PACSIN2: variants seen among roughly 807,000 people sequenced by gnomAD.
PACSIN2 encodes the protein protein kinase C and casein kinase substrate in neurons 2.
In PACSIN2, 25 loss-of-function variants were observed where a neutral mutation model predicts 63.8. The ratio of observed to expected loss-of-function variants is 0.39; its 90% CI spans 0.29 to 0.55. PACSIN2 has a LOEUF of 0.55. Ranked by LOEUF, PACSIN2 falls within the 20% of genes least tolerant of loss-of-function variation. PACSIN2 has a pLI of 0.62. For synonymous variants in PACSIN2, 255 were observed against 256.2 expected (o/e 1.00, Z 0.05); for missense variants, 518 against 646.9 (o/e 0.80, Z 2.16).
At chr22:42,954,808 G>A (rs758896922) in intron 1 of PACSIN2, among the ~76,000 whole-genome samples, 1 of 152,132 alleles carries the variant, frequency 6.6e-6, no homozygotes, top group Non-Finnish European at 1.5e-5. Flanking sequence ...GGGGATGGGG[G>A]CAGGGATTCA....
chr22:42,983,316 CAAAAAA>C (rs1180708676), intron 1 of PACSIN2, among the ~76,000 whole-genome samples: 3 of 63,630 alleles, frequency 4.7e-5, no homozygotes, highest in African/African-American at 1.7e-4. Context: ...GACTCCATCT[CAAAAAA>C]AAAAAAAAAA....
chr22:42,969,518 TCCTC>T (rs1921083199), intron 1 of PACSIN2, among the ~76,000 whole-genome samples: 1 of 152,146 alleles, frequency 6.6e-6, no homozygotes, highest in Non-Finnish European at 1.5e-5. Flanking sequence ...AGATGAGTAA[TCCTC>T]CCACCTCAAT....
rs536306071 is a variant in PACSIN2, at chr22:42,913,453, T to C, written c.-77-1296A>G. On this transcript the variant is annotated intron_variant, in intron 1 of 10. Transcript: ENST00000263246. ...AAGATCGTGCCATTGCACTCCAGCC[T>C]GGGCAACAAGAGCGAAACTCCGTCT... Among the ~76,000 whole-genome samples the C allele has an allele frequency of 1.6e-4, 21 of 129,766 alleles. No individual in the cohort carries two copies. The East Asian group carries it at 4.3e-3, about 26-fold the overall frequency. The allele number at this position is 129,766 out of a possible 152,430, so 85.1% of individuals were successfully genotyped here. A position where few individuals can be genotyped will look rare whatever the true frequency, so the allele number is the denominator to read the frequency against.
rs536598750 is a variant in PACSIN2, at chr22:42,890,729, A to G, written c.453+218T>C. On this transcript the variant is annotated intron_variant, in intron 4 of 10. Coordinates refer to ENST00000263246, the MANE Select transcript of PACSIN2 (RefSeq NM_001184970.3). ...GACTTTGTCTCAAAAAATAAAAATAAAAAATTTAAAGAATGCACATAGAGC... is the reference window on the plus strand; with the variant it reads ...GACTTTGTCTCAAAAAATAAAAATAGAAAATTTAAAGAATGCACATAGAGC... 1.1e-4 allele frequency among the ~76,000 whole-genome samples: 16 copies of G among 152,322 alleles called. No homozygotes were observed. In the South Asian group the frequency reaches 2.9e-3, roughly 28 times the overall value.
At chr22:42,967,189 C>G (rs5759062) in intron 1 of PACSIN2, among the ~76,000 whole-genome samples, 91,433 of 151,712 alleles carry the variant, frequency 0.6, 28,103 homozygotes, top group East Asian at 0.78. Context: ...CCCAGGAAGG[C>G]TGGACTCTGA....
intron 1 of PACSIN2, among the ~76,000 whole-genome samples, chr22:43,009,865 A>ATTT (rs898985902): frequency 1.2e-4 from 9 of 75,662 alleles, no homozygotes; most frequent in Non-Finnish European, 1.9e-4. Context: ...TATTTTTTCT[A>ATTT]TTTTTTTTTT....
chr22:42,890,204 G>A (rs911482959), intron 4 of PACSIN2, among the ~76,000 whole-genome samples: 11 of 152,120 alleles, frequency 7.2e-5, no homozygotes, highest in African/African-American at 2.6e-4. Flanking sequence ...GTTTCATCAT[G>A]TTGGCCAGGA....
chr22:42,880,033 T>C (rs1419376083), intron 7 of PACSIN2, among the ~76,000 whole-genome samples: 1 of 152,206 alleles, frequency 6.6e-6, no homozygotes, highest in Non-Finnish European at 1.5e-5. Context: ...GACTGTGTCT[T>C]GATTTTCTAG....
chr22:42,895,707 C>T (rs1362368739), intron 2 of PACSIN2, among the ~76,000 whole-genome samples: 2 of 152,164 alleles, frequency 1.3e-5, no homozygotes, highest in African/African-American at 4.8e-5. Context: ...AAATAAGCTC[C>T]CAGTTGGTCC....
At chr22:42,934,661 C>G (rs1244228103) in intron 1 of PACSIN2, among the ~76,000 whole-genome samples, 1 of 152,242 alleles carries the variant, frequency 6.6e-6, no homozygotes, top group African/African-American at 2.4e-5. Flanking sequence ...AGAAGCCCCC[C>G]ACCGTTCTAG....
At chr22:42,970,948 G>A (rs1241658589) in intron 1 of PACSIN2, among the ~76,000 whole-genome samples, 1 of 152,088 alleles carries the variant, frequency 6.6e-6, no homozygotes, top group Non-Finnish European at 1.5e-5. Context: ...ACCCTGCCCT[G>A]CCCCCAGCCT....
At chr22:42,989,881 TATATAC>T (rs763638065) in intron 1 of PACSIN2, among the ~76,000 whole-genome samples, 10 of 148,166 alleles carry the variant, frequency 6.7e-5, no homozygotes, top group Non-Finnish European at 8.9e-5. Context: ...TATATATATA[TATATAC>T]ACACACACAC....
chr22:42,985,797 C>T (rs956298244), intron 1 of PACSIN2, among the ~76,000 whole-genome samples: 1 of 152,126 alleles, frequency 6.6e-6, no homozygotes, highest in African/African-American at 2.4e-5. Context: ...GACGCCTAAC[C>T]CCTCCCCATG....
In PACSIN2 at chr22:42,876,174, A is replaced by G; in HGVS notation, c.1311T>C (p.Tyr437=). ...TCAGCTCATCATGCTCCTGCCCCTC[A>G]TAGTCATACAGGGCCCGGACTCGCA... is the stretch of plus-strand genomic sequence containing the variant. ...TEVRVRALYD[Y]EGQEHDELSF... is the part of the protein sequence containing the mutation. The change falls in exon 10 of 11, where the codon TAT becomes TAC. Residue 437 remains tyrosine (Y), a synonymous_variant. Transcript: ENST00000263246. 1 of 1,614,068 alleles carries G rather than the reference A, an allele frequency of 6.2e-7. No homozygotes were observed. Among genetic ancestry groups the G allele is most frequent in the Non-Finnish European group, 8.5e-7 (1 of 1,179,970 alleles).
intron 1 of PACSIN2, among the ~76,000 whole-genome samples, chr22:42,957,397 G>A (rs1400878652): frequency 2.7e-5 from 4 of 149,738 alleles, no homozygotes; most frequent in Non-Finnish European, 6.0e-5. Flanking sequence ...ACAAATAAGC[G>A]CTATCCTGTG....
intron 1 of PACSIN2, among the ~76,000 whole-genome samples, chr22:42,986,961 G>A (rs1922661224): frequency 6.6e-6 from 1 of 152,130 alleles, no homozygotes; most frequent in Admixed American, 6.5e-5. Context: ...TTTATTGGAT[G>A]TAAATCACAC....
intron 1 of PACSIN2, among the ~76,000 whole-genome samples, chr22:42,936,010 G>A (rs1433722963): frequency 2.0e-5 from 3 of 152,004 alleles, no homozygotes; most frequent in African/African-American, 7.2e-5. Context: ...TCAGGAGATC[G>A]AGACCATCCT....
At chr22:42,999,719 G>A (rs1923644472) in intron 1 of PACSIN2, among the ~76,000 whole-genome samples, 1 of 152,198 alleles carries the variant, frequency 6.6e-6, no homozygotes, top group Admixed American at 6.5e-5. Context: ...CAGGACTGAT[G>A]GAGCAGTCCC....
At chr22:42,975,611 C>CT (rs67294174) in intron 1 of PACSIN2, among the ~76,000 whole-genome samples, 78,724 of 138,976 alleles carry the variant, frequency 0.57, 22,417 homozygotes, top group East Asian at 0.77. Flanking sequence ...TATAAGTATT[C>CT]TTTTTTTTTT....
Sources: gnomAD v4.1 joint callset for allele counts (sites outside exome capture counted in the v4.1 genomes callset) on GRCh38, gnomAD v4.1.1 for gene constraint, MANE v1.5 for transcripts, NCBI Gene and HGNC (gene_info 2026-07-23, HGNC 2026-07-21) for gene names.